The following RFX2 variants were observed in gnomAD, a reference collection of about 807,000 sequenced individuals.
RFX2 encodes the protein DNA-binding protein RFX2.
In RFX2, 20 loss-of-function variants were observed where a neutral mutation model predicts 87.8. That is an observed-to-expected ratio of 0.23 (90% CI 0.16 to 0.33). The LOEUF is 0.33. RFX2 is among the 10% of genes least tolerant of loss of function. The probability of loss-of-function intolerance (pLI) is 1.00; values close to 1 mark genes in which losing one functional copy is unlikely to be tolerated. For missense variants in RFX2, 767 were observed against 1,012.3 expected (o/e 0.76, Z 3.29); for synonymous variants, 397 against 431.3 (o/e 0.92, Z 0.98).
chr19:6,105,278 G>A (rs2088197913), intron 1 of RFX2, among the ~76,000 whole-genome samples: 1 of 152,194 alleles, frequency 6.6e-6, no homozygotes, highest in Admixed American at 6.5e-5. Flanking sequence ...GAAGGAGGCT[G>A]AGAGCACCCA....
In RFX2 at chr19:6,008,155, G is replaced by C; in HGVS notation, c.1085C>G (p.Thr362Arg). ...CTGCAGGGCCTTGACGTCGTGCAGTGTGACGCCGTCCTGCAGCAGGAAGCT... is the reference window on the plus strand; with the variant it reads ...CTGCAGGGCCTTGACGTCGTGCAGTCTGACGCCGTCCTGCAGCAGGAAGCT... ...LGSFLLQDGV[T>R]LHDVKALQLV... The change falls in exon 10 of 18, where the codon ACA becomes AGA. Residue 362 changes from threonine to arginine, a missense_variant. Physicochemically the swap from Thr to Arg is moderately conservative, Grantham distance 71 (BLOSUM62 -1). Coordinates refer to ENST00000303657, the MANE Select transcript of RFX2 (RefSeq NM_000635.4). The C allele has an allele frequency of 6.4e-7, 1 of 1,556,736 alleles. No individual in the cohort carries two copies. The highest frequency in any genetic ancestry group is 2.4e-5 in the East Asian group (1 of 42,338).
chr19:6,006,759 T>A (rs2086587789), intron 12 of RFX2, among the ~76,000 whole-genome samples: 1 of 114,780 alleles, frequency 8.7e-6, no homozygotes, highest in Non-Finnish European at 1.7e-5. Flanking sequence ...CCCAGATAAA[T>A]TTTTTTTTTT....
In RFX2 at chr19:6,004,377, TG is replaced by T; in HGVS notation, c.1403-80del. On this transcript the variant is annotated intron_variant, in intron 12 of 17. Coordinates refer to ENST00000303657, the MANE Select transcript of RFX2 (RefSeq NM_000635.4). This position sits in a 1 kb window ranked among gnomAD's most constrained non-coding sequence, Gnocchi z 4.8. Reference sequence around the variant, plus strand: ...GGAAATCAGCATTCAGTGTAAGAGCTGGCCCAAGTGCGATGAAAATGACCAC... The same window carrying T: ...GGAAATCAGCATTCAGTGTAAGAGCTGCCCAAGTGCGATGAAAATGACCAC... The T allele has an allele frequency of 8.4e-7, 1 of 1,183,958 alleles. No individual in the cohort carries two copies. The highest frequency in any genetic ancestry group is 1.3e-6 in the Non-Finnish European group (1 of 790,484). The allele number at this position is 1,183,958 out of a possible 1,614,324, so 73.3% of individuals were successfully genotyped here.
Position 6,010,178 on chromosome 19 carries a change from G to C in RFX2, c.973C>G (p.Gln325Glu). The change falls in exon 9 of 18, where the codon CAG becomes GAG. Residue 325 changes from glutamine to glutamate, a missense_variant. By Grantham distance (29) the Gln-to-Glu change is conservative. Transcript: ENST00000303657. The surrounding 1 kb of genome is among the most constrained non-coding windows in gnomAD (Gnocchi z 5.0). ...SHSGLHSTPE[Q>E]TMAVQSQHHQ... ...TGCTGGCTCTGCACGGCCATGGTCT[G>C]TTCCGGAGTGCTGTGCAGGCCGCTG... is the stretch of plus-strand genomic sequence containing the variant. 1 of 1,548,910 alleles carries C rather than the reference G, an allele frequency of 6.5e-7. No individual in the cohort carries two copies. The highest frequency in any genetic ancestry group is 2.4e-5 in the East Asian group (1 of 40,922).
chr19:6,038,232 C>T (rs144630844), intron 5 of RFX2, among the ~76,000 whole-genome samples: 2,427 of 141,698 alleles, frequency 0.017, 71 homozygotes, highest in African/African-American at 0.06. Flanking sequence ...GAGGCTGAGG[C>T]AGGAGAATCG....
chr19:5,999,037 C>T lies in RFX2; in HGVS notation c.1860-1824G>A, dbSNP rs980695403. On this transcript the variant is annotated intron_variant, in intron 15 of 17. Coordinates refer to ENST00000303657, the MANE Select transcript of RFX2 (RefSeq NM_000635.4). The surrounding 1 kb of genome is among the most constrained non-coding windows in gnomAD (Gnocchi z 4.1). ...TTGGGAGGCTGAGGCAGGTGGATCACCTGAGGTCAGGAGTTTGAGAGCAGC... is the reference window on the plus strand; with the variant it reads ...TTGGGAGGCTGAGGCAGGTGGATCATCTGAGGTCAGGAGTTTGAGAGCAGC... 1.1e-4 allele frequency among the ~76,000 whole-genome samples: 17 copies of T among 152,324 alleles called. No homozygotes were observed. The highest frequency in any genetic ancestry group is 3.8e-4 in the African/African-American group (16 of 41,570).
In RFX2 at chr19:5,995,658, T is replaced by C; in HGVS notation, c.2014-15A>G. On this transcript the variant is annotated splice_polypyrimidine_tract_variant and intron_variant, in intron 16 of 17. Coordinates refer to ENST00000303657, the MANE Select transcript of RFX2 (RefSeq NM_000635.4). ...AGATCGTTGAACTGAAAGAGAAACCTGGAGTCAGGGGCGCCTGCAGAGGGG... is the reference window on the plus strand; with the variant it reads ...AGATCGTTGAACTGAAAGAGAAACCCGGAGTCAGGGGCGCCTGCAGAGGGG... 6.4e-7 allele frequency: 1 copy of C among 1,551,860 alleles called. No individual in the cohort carries two copies. The highest frequency in any genetic ancestry group is 8.7e-7 in the Non-Finnish European group (1 of 1,147,232).
At chr19:6,091,092 T>C (rs1352995560) in intron 1 of RFX2, among the ~76,000 whole-genome samples, 2 of 152,296 alleles carry the variant, frequency 1.3e-5, no homozygotes, top group African/African-American at 4.8e-5. Flanking sequence ...TGGAGTTTCT[T>C]TTCACGGTGA....
intron 4 of RFX2, among the ~76,000 whole-genome samples, chr19:6,041,223 G>T (rs1390414705): frequency 6.6e-6 from 1 of 151,898 alleles, no homozygotes; most frequent in African/African-American, 2.4e-5. Flanking sequence ...ACAGTAGCTG[G>T]GGTGATGGGT....
At chr19:6,008,497 C>G (rs116117022) in intron 9 of RFX2, among the ~76,000 whole-genome samples, 288 of 150,080 alleles carry the variant, frequency 1.9e-3, no homozygotes, top group African/African-American at 6.8e-3. Context: ...TTCAACCGCC[C>G]GAGTAACTGG....
rs2086893553 is a variant in RFX2 at position 6,026,730 on chromosome 19, T to TG, written c.523-494dup. 3 of 169,546 alleles carry TG rather than the reference T, an allele frequency of 1.8e-5. No homozygotes were observed. Among genetic ancestry groups the TG allele is most frequent in the African/African-American group, 7.2e-5 (3 of 41,538 alleles). 10.5% of individuals were successfully genotyped at this position (169,546 alleles called of 1,614,324 possible). ...AGGGTCTCCCCGCTGCTGGAGGCTT[T>TG]GGGAAAATAGCAGCGAGGCCAAAGA... On this transcript the variant is annotated intron_variant, in intron 5 of 17. Transcript: ENST00000303657. The surrounding 1 kb of genome is among the most constrained non-coding windows in gnomAD (Gnocchi z 4.5).
At chr19:6,087,613 G>A (rs146112506) in intron 1 of RFX2, among the ~76,000 whole-genome samples, 11 of 152,228 alleles carry the variant, frequency 7.2e-5, no homozygotes, top group African/African-American at 2.4e-4. Context: ...CCTCAGAGAA[G>A]CCCGATTCCA....
At chr19:6,006,172 T>A (rs1254608263) in intron 12 of RFX2, among the ~76,000 whole-genome samples, 1 of 152,136 alleles carries the variant, frequency 6.6e-6, no homozygotes, top group Non-Finnish European at 1.5e-5. Context: ...ACTTAGGGAT[T>A]TTTTTTGAGA....
At chr19:6,103,231 C>CT (rs2088156644) in intron 1 of RFX2, among the ~76,000 whole-genome samples, 1 of 152,160 alleles carries the variant, frequency 6.6e-6, no homozygotes, top group Non-Finnish European at 1.5e-5. Flanking sequence ...CATTTAAAAT[C>CT]TATCTGCTTT....
At position 6,012,499 on chromosome 19, in the gene RFX2, T is replaced by A. The variant is rs1401429053; in HGVS notation, c.899+487A>T. ...GCGTGACACTGTGATGGGGGACACA[T>A]GTCATTATAGGTTTGTCCAAACTGT... On this transcript the variant is annotated intron_variant, in intron 8 of 17. Coordinates refer to ENST00000303657, the MANE Select transcript of RFX2 (RefSeq NM_000635.4). This position sits in a 1 kb window ranked among gnomAD's most constrained non-coding sequence, Gnocchi z 4.6. 6.6e-6 allele frequency among the ~76,000 whole-genome samples: 1 copy of A among 152,028 alleles called. No individual in the cohort carries two copies. Among genetic ancestry groups the A allele is most frequent in the East Asian group, 1.9e-4 (1 of 5,178 alleles).
In RFX2 at chr19:6,012,663, C is replaced by T. The variant is rs1041125831; in HGVS notation, c.899+323G>A. On this transcript the variant is annotated intron_variant, in intron 8 of 17. Coordinates refer to ENST00000303657, the MANE Select transcript of RFX2 (RefSeq NM_000635.4). This position sits in a 1 kb window ranked among gnomAD's most constrained non-coding sequence, Gnocchi z 4.6. ...GAATGGTGGGAGAGGCGGTGGGGAG[C>T]GGGGCTGGGGGTGTAGAACAACTCT... Among the ~76,000 whole-genome samples, 4 of 151,922 alleles carry T rather than the reference C, an allele frequency of 2.6e-5. No individual in the cohort carries two copies. Among genetic ancestry groups the T allele is most frequent in the South Asian group, 2.1e-4 (1 of 4,816 alleles).
chr19:6,093,263 G>A (rs946553739), intron 1 of RFX2, among the ~76,000 whole-genome samples: 37 of 152,196 alleles, frequency 2.4e-4, no homozygotes, highest in African/African-American at 8.0e-4. Flanking sequence ...GGCCGGGTGC[G>A]GTGGTTCATG....
intron 12 of RFX2, among the ~76,000 whole-genome samples, chr19:6,006,551 G>A (rs535394379): frequency 6.7e-6 from 1 of 148,942 alleles, no homozygotes; most frequent in African/African-American, 2.5e-5. Flanking sequence ...CTGGGTTAAA[G>A]CTATTCTCCT....
intron 1 of RFX2, among the ~76,000 whole-genome samples, chr19:6,087,694 C>T (rs1380993141): frequency 6.6e-6 from 1 of 152,162 alleles, no homozygotes; most frequent in Non-Finnish European, 1.5e-5. Flanking sequence ...CCAGCTACAA[C>T]AAAAGATTCA....
Sources: gnomAD v4.1 joint callset for allele counts (sites outside exome capture counted in the v4.1 genomes callset) on GRCh38, gnomAD v4.1.1 for gene constraint, Gnocchi (gnomAD v3.1) non-coding constraint, MANE v1.5 for transcripts, NCBI Gene and HGNC (gene_info 2026-07-23, HGNC 2026-07-21) for gene names.